Variants in PCLO observed in about 807,000 individuals in gnomAD.
PCLO encodes the protein piccolo presynaptic cytomatrix protein.
A neutral mutation model predicts 427.5 loss-of-function variants in PCLO; 82 were observed. The ratio of observed to expected loss-of-function variants is 0.19; its 90% CI spans 0.16 to 0.23. PCLO has a LOEUF of 0.23. Among genes scored for constraint, PCLO ranks in the 10% least tolerant of loss-of-function variants. PCLO has a pLI of 1.00. For missense variants in PCLO, 6,239 were observed against 6,115.9 expected (o/e 1.02, Z -0.67); for synonymous variants, 2,357 against 2,155.4 (o/e 1.09, Z -2.59).
intron 6 of PCLO, among the ~76,000 whole-genome samples, chr7:82,929,267 A>G (rs745913150): frequency 6.6e-6 from 1 of 152,218 alleles, no homozygotes; most frequent in African/African-American, 2.4e-5. Context: ...TAACAGTTGC[A>G]TATAAAATAT....
intron 3 of PCLO, among the ~76,000 whole-genome samples, chr7:83,095,362 T>A (rs1164897963): frequency 6.6e-6 from 1 of 152,080 alleles, no homozygotes; most frequent in African/African-American, 2.4e-5. Flanking sequence ...GATTTGTTAA[T>A]GTTGAACTTT....
intron 10 of PCLO, among the ~76,000 whole-genome samples, chr7:82,856,602 T>C (rs1792813081): frequency 6.6e-6 from 1 of 152,156 alleles, no homozygotes; most frequent in Non-Finnish European, 1.5e-5. Flanking sequence ...AAAATAATGT[T>C]ACATGGGGAG....
Position 82,955,744 on chromosome 7 carries a change from G to A in PCLO, c.5209C>T (p.Leu1737Phe). The A allele has an allele frequency of 6.2e-7, 1 of 1,613,922 alleles. No individual in the cohort carries two copies. The highest frequency in any genetic ancestry group is 1.7e-5 in the Admixed American group (1 of 60,024). Residue 1737 changes from leucine (L) to phenylalanine (F), a missense_variant, in exon 5 of 25, where the codon CTT (leucine) becomes TTT (phenylalanine). Physicochemically the swap from Leu to Phe is conservative, Grantham distance 22 (BLOSUM62 0). Coordinates refer to ENST00000333891, the MANE Select transcript of PCLO (RefSeq NM_033026.6). The stretch of plus-strand genomic sequence containing the variant: ...GGGCTACTGTCACTGTCCTCATCAA[G>A]TGATGATACTGATGTAGGGGATGTA... ...PGTSPTSVSS[L>F]DEDSDSSPSH...
chr7:83,032,041 T>A (rs961501101), intron 3 of PCLO, among the ~76,000 whole-genome samples: 3 of 151,994 alleles, frequency 2.0e-5, no homozygotes, highest in African/African-American at 7.3e-5. Flanking sequence ...TAGTATGAGG[T>A]TTTCACTTCA....
chr7:82,784,826 T>C (rs1274045824), intron 22 of PCLO, among the ~76,000 whole-genome samples: 3 of 152,210 alleles, frequency 2.0e-5, no homozygotes, highest in Non-Finnish European at 4.4e-5. Context: ...ATCTATATTT[T>C]TGAAATCTAT....
intron 4 of PCLO, among the ~76,000 whole-genome samples, chr7:82,963,011 G>T (rs1208725133): frequency 6.6e-6 from 1 of 151,978 alleles, no homozygotes; most frequent in East Asian, 1.9e-4. Flanking sequence ...CTTAAAAATA[G>T]AGGATTGCAA....
At chr7:83,095,436 C>A (rs1306057355) in intron 3 of PCLO, among the ~76,000 whole-genome samples, 1 of 151,176 alleles carries the variant, frequency 6.6e-6, no homozygotes, top group African/African-American at 2.4e-5. Context: ...TTCATTGATT[C>A]CTGCTCTTTA....
At position 82,954,486 on chromosome 7, in the gene PCLO, A is replaced by T. The variant is rs1332100944; in HGVS notation, c.6467T>A (p.Ile2156Lys). 1 of 1,613,964 alleles carries T rather than the reference A, an allele frequency of 6.2e-7. No homozygotes were observed. Among genetic ancestry groups the T allele is most frequent in the Admixed American group, 1.7e-5 (1 of 60,024 alleles). ...VTDYTREIQE[I>K]IAHESLILTY... is the part of the protein sequence containing the mutation. ...CAAAATCAGCGATTCATGGGCAATT[A>T]TCTCTTGAATTTCTCTTGTATAATC... The change falls in exon 5 of 25, where the codon ATA (isoleucine) becomes AAA (lysine). Residue 2156 changes from isoleucine to lysine, a missense_variant. Ile to Lys is a moderately radical substitution (Grantham distance 102). This residue lies in a region of PCLO where 4,677 missense variants were observed against 4,468.4 expected (regional missense o/e 1.05). Coordinates refer to ENST00000333891, the MANE Select transcript of PCLO (RefSeq NM_033026.6).
At position 82,916,651 on chromosome 7, in the gene PCLO, T is replaced by G; in HGVS notation, c.11335A>C (p.Lys3779Gln). The change falls in exon 7 of 25, where the codon AAA becomes CAA. Residue 3779 changes from lysine (K) to glutamine (Q), a missense_variant. Lys to Gln is a moderately conservative substitution (Grantham distance 53). Transcript: ENST00000333891. ...AGCTCTGCTTGTTTCTTTCGAAGTT[T>G]TGCAGACTCCCTTTCCACAAGATCA... ...ELDLVERESA[K>Q]LRKKQAELDE... 6.2e-7 allele frequency: 1 copy of G among 1,613,684 alleles called. No homozygotes were observed. The highest frequency in any genetic ancestry group is 8.5e-7 in the Non-Finnish European group (1 of 1,179,742).
chr7:83,126,161 G>A (rs74993936), intron 3 of PCLO, among the ~76,000 whole-genome samples: 7,475 of 152,138 alleles, frequency 0.049, 242 homozygotes, highest in East Asian at 0.079. Flanking sequence ...TCATATGTGG[G>A]AACTAAAAAT....
At chr7:83,062,432 G>C (rs574489726) in intron 3 of PCLO, among the ~76,000 whole-genome samples, 1 of 152,230 alleles carries the variant, frequency 6.6e-6, no homozygotes, top group South Asian at 2.1e-4. Flanking sequence ...ATTCTTCATT[G>C]AACATGATAA....
chr7:82,809,512 G>A (rs1471164852), intron 20 of PCLO, among the ~76,000 whole-genome samples: 1 of 151,494 alleles, frequency 6.6e-6, no homozygotes, highest in African/African-American at 2.4e-5. Context: ...ATACTCTGTC[G>A]TTATTGGAAG....
chr7:82,813,193 G>A (rs1791609390), intron 20 of PCLO, among the ~76,000 whole-genome samples: 2 of 151,630 alleles, frequency 1.3e-5, no homozygotes, highest in African/African-American at 4.8e-5. Context: ...AAGTAAAGAG[G>A]AAGTTTGGAC....
chr7:82,950,056 G>A lies in PCLO; in HGVS notation c.10532C>T (p.Ser3511Phe). The change falls in exon 6 of 25, where the codon TCC (serine) becomes TTC (phenylalanine). Residue 3511 changes from serine to phenylalanine, a missense_variant. Coordinates refer to ENST00000333891, the MANE Select transcript of PCLO (RefSeq NM_033026.6). ...TTGAACTGCTATGCTGGAGACTTTG[G>A]AAAGGGGTTTGGTCTTGTCAGCCTC... Reference protein sequence around the residue: ...MTEADKTKPLSKVSSIAVQTV... With the variant: ...MTEADKTKPLFKVSSIAVQTV... 2.5e-6 allele frequency: 4 copies of A among 1,606,336 alleles called. No homozygotes were observed. The highest frequency in any genetic ancestry group is 2.5e-6 in the Non-Finnish European group (3 of 1,177,242).
chr7:83,001,883 T>C (rs1284457499), intron 3 of PCLO, among the ~76,000 whole-genome samples: 2 of 152,024 alleles, frequency 1.3e-5, no homozygotes, highest in Admixed American at 6.6e-5. Context: ...CACAAAAGTA[T>C]GTCACAGGAC....
At chr7:83,128,492 A>C (rs982522047) in intron 3 of PCLO, among the ~76,000 whole-genome samples, 1 of 152,132 alleles carries the variant, frequency 6.6e-6, no homozygotes, top group Non-Finnish European at 1.5e-5. Context: ...TCTCCAGAAA[A>C]ACAGTAGCAT....
At chr7:83,085,709 T>G (rs1002284977) in intron 3 of PCLO, among the ~76,000 whole-genome samples, 1 of 152,220 alleles carries the variant, frequency 6.6e-6, no homozygotes, top group Middle Eastern at 3.4e-3. Context: ...GAGCCAATCT[T>G]CTCATTAAAC....
chr7:82,765,898 G>C (rs200628351), intron 22 of PCLO, among the ~76,000 whole-genome samples: 52 of 150,916 alleles, frequency 3.4e-4, no homozygotes, highest in Non-Finnish European at 1.5e-5. Context: ...AGCGGGGGGA[G>C]AAAAAAAAGT....
chr7:82,978,390 T>G (rs1796070728), intron 3 of PCLO, among the ~76,000 whole-genome samples: 2 of 152,178 alleles, frequency 1.3e-5, no homozygotes, highest in Non-Finnish European at 2.9e-5. Flanking sequence ...AGTCCATTTT[T>G]AAAAATTCTC....
Sources: gnomAD v4.1 joint callset for allele counts (sites outside exome capture counted in the v4.1 genomes callset) on GRCh38, gnomAD v4.1.1 for gene constraint, gnomAD v4.1.1 regional missense constraint, MANE v1.5 for transcripts, NCBI Gene and HGNC (gene_info 2026-07-23, HGNC 2026-07-21) for gene names.